HAVCR1: variants seen among roughly 807,000 people sequenced by gnomAD.
HAVCR1 encodes the protein hepatitis A virus cellular receptor 1, also known as T cell immunoglobin domain and mucin domain protein 1.
In HAVCR1, 34 loss-of-function variants were observed where a neutral mutation model predicts 32.0. The ratio of observed to expected loss-of-function variants is 1.06; its 90% CI spans 0.81 to 1.42. The LOEUF is 1.42. HAVCR1 is among the 40% of genes most tolerant of loss of function. The pLI, the probability that HAVCR1 is intolerant of heterozygous loss-of-function variation, is 0.00. For synonymous variants in HAVCR1, 178 were observed against 170.3 expected (o/e 1.05, Z -0.35); for missense variants, 420 against 442.3 (o/e 0.95, Z 0.45).
intron 3 of HAVCR1, 54 bp from the exon 4 acceptor site, chr5:157,052,708 C>T (rs1173828806): frequency 7.4e-6 from 11 of 1,487,284 alleles, no homozygotes; most frequent in Non-Finnish European, 1.0e-5. Flanking sequence ...GAAACAAGAG[C>T]CTCAGGCTGG....
At chr5:157,051,627 C>G (rs1755744606) in intron 4 of HAVCR1, among the ~76,000 whole-genome samples, 1 of 151,694 alleles carries the variant, frequency 6.6e-6, no homozygotes, top group Non-Finnish European at 1.5e-5. Context: ...ACCTCCCGGC[C>G]CCAAGCGATT....
chr5:157,068,763 CCACCACACTCAG>C, the HAVCR1 span, among the ~76,000 whole-genome samples: 1 of 151,754 alleles, frequency 6.6e-6, no homozygotes, highest in African/African-American at 2.4e-5. Flanking sequence ...CAAGCATGTG[CCACCACACTCAG>C]CAAATTTTTC....
chr5:157,042,576 A>G lies in HAVCR1; in HGVS notation c.837+51T>C, dbSNP rs1754973435. The G allele has an allele frequency of 2.7e-6, 3 of 1,094,296 alleles. No individual in the cohort carries two copies. In the South Asian group the frequency reaches 4.1e-5, roughly 15 times the overall value. 67.8% of individuals were successfully genotyped at this position (1,094,296 alleles called of 1,614,324 possible). A position where few individuals can be genotyped will look rare whatever the true frequency, so the allele number is the denominator to read the frequency against. Reference sequence around the variant, plus strand: ...AGTCTTTAAATGTAACTTGCTTCCAAGGAGATATACAAGTGAATCTGGCTA... The same window carrying G: ...AGTCTTTAAATGTAACTTGCTTCCAGGGAGATATACAAGTGAATCTGGCTA... On this transcript the variant is annotated intron_variant, in intron 6 of 8. Coordinates refer to ENST00000523175, the MANE Select transcript of HAVCR1 (RefSeq NM_001173393.3).
At chr5:157,063,588 GTAAC>G (rs1756539664), upstream of HAVCR1, among the ~76,000 whole-genome samples, 1 of 152,136 alleles carries the variant, frequency 6.6e-6, no homozygotes, top group Admixed American at 6.6e-5. Flanking sequence ...CTGGCCTCAT[GTAAC>G]TAACTTTTAA....
intron 2 of HAVCR1, 47 bp downstream of exon 2, chr5:157,057,851 A>AC (rs1561606610): frequency 2.1e-6 from 3 of 1,434,266 alleles, no homozygotes; most frequent in South Asian, 1.1e-5. Flanking sequence ...CTGGCTTCTA[A>AC]CCCCCCTCTA....
At chr5:157,051,016 G>A (rs1361680463) in intron 4 of HAVCR1, among the ~76,000 whole-genome samples, 1 of 152,058 alleles carries the variant, frequency 6.6e-6, no homozygotes, top group Non-Finnish European at 1.5e-5. Flanking sequence ...GATTTCTGAG[G>A]GCTTTGAGAA....
chr5:157,041,507 A>AAAAG (rs1335598182), intron 6 of HAVCR1, among the ~76,000 whole-genome samples: 1 of 152,138 alleles, frequency 6.6e-6, no homozygotes, highest in African/African-American at 2.4e-5. Flanking sequence ...AAAAATAAAA[A>AAAAG]AAAGAAAGAA....
rs2113477710 is a variant in HAVCR1, at chr5:157,032,858, G to A, written c.982C>T (p.Leu328=). Reference sequence around the variant, plus strand: ...TAGAAATATTTTCGAGCTTACCTTAGTTGTTGAACCTCCTTTTTGAAGAAA... The same window carrying A: ...TAGAAATATTTTCGAGCTTACCTTAATTGTTGAACCTCCTTTTTGAAGAAA... ...KYFFKKEVQQ[L]SVSFSSLQIK... is the part of the protein sequence containing the mutation. Residue 328 remains leucine, a synonymous_variant, in exon 8 of 9, where the codon CTA becomes TTA. Transcript: ENST00000523175. 6.4e-7 allele frequency: 1 copy of A among 1,569,948 alleles called. No individual in the cohort carries two copies. The highest frequency in any genetic ancestry group is 8.7e-7 in the Non-Finnish European group (1 of 1,144,178).
the HAVCR1 span, among the ~76,000 whole-genome samples, chr5:157,066,093 G>A: frequency 7.3e-6 from 1 of 137,406 alleles, no homozygotes; most frequent in Non-Finnish European, 1.6e-5. Flanking sequence ...GGTGGAAGAG[G>A]CACCAATACA....
chr5:157,042,257 A>T (rs1249375989), intron 6 of HAVCR1, among the ~76,000 whole-genome samples: 3 of 151,306 alleles, frequency 2.0e-5, no homozygotes, highest in African/African-American at 7.3e-5. Context: ...CCTGGCTAAC[A>T]CGGTGAAACC....
rs758926533 is a variant in HAVCR1, at chr5:157,037,368, AAAC to A, written c.838-10_838-8del. 74 of 1,178,148 alleles carry A rather than the reference AAAC, an allele frequency of 6.3e-5. No individual in the cohort carries two copies. In the Admixed American group the frequency reaches 1.2e-3, roughly 20 times the overall value. 73.0% of individuals were successfully genotyped at this position (1,178,148 alleles called of 1,614,324 possible). On this transcript the variant is annotated splice_polypyrimidine_tract_variant and splice_region_variant and intron_variant, in intron 6 of 8. Transcript: ENST00000523175. Reference sequence around the variant, plus strand: ...TATGTTCTAGGAACAGTTGCTGAGGAAACAACAACAGATCAAAAAAGCATCTTG... The same window carrying A: ...TATGTTCTAGGAACAGTTGCTGAGGAAACAACAGATCAAAAAAGCATCTTG...
intron 7 of HAVCR1, among the ~76,000 whole-genome samples, chr5:157,033,528 C>T (rs1001405959): frequency 4.2e-5 from 6 of 142,800 alleles, no homozygotes; most frequent in Non-Finnish European, 8.9e-5. Context: ...CTGTTGTTGT[C>T]AATCCTTTCC....
intron 4 of HAVCR1, among the ~76,000 whole-genome samples, chr5:157,050,854 A>C (rs1201306037): frequency 1.3e-5 from 2 of 152,194 alleles, no homozygotes; most frequent in Non-Finnish European, 2.9e-5. Flanking sequence ...TTTCAAACTG[A>C]GCTACTAGCC....
rs542420711 is a variant in HAVCR1, at chr5:157,054,733, T to C, written c.379+468A>G. Among the ~76,000 whole-genome samples, 10 of 152,336 alleles carry C rather than the reference T, an allele frequency of 6.6e-5. No homozygotes were observed. The East Asian group carries it at 1.7e-3, about 26-fold the overall frequency. On this transcript the variant is annotated intron_variant, in intron 3 of 8. Transcript: ENST00000523175. ...GGAAAAAGAAGGATATGTTGTCTGCTGTACTGAACAAATACAGACTTTTTT... is the reference window on the plus strand; with the variant it reads ...GGAAAAAGAAGGATATGTTGTCTGCCGTACTGAACAAATACAGACTTTTTT...
chr5:157,055,891 AT>A (rs746031607), intron 2 of HAVCR1, among the ~76,000 whole-genome samples: 2 of 149,650 alleles, frequency 1.3e-5, no homozygotes, highest in Admixed American at 6.7e-5. Flanking sequence ...AATTCTCTTA[AT>A]TTTTTTTACT....
At chr5:157,063,555 G>C (rs1756538006), upstream of HAVCR1, among the ~76,000 whole-genome samples, 1 of 151,418 alleles carries the variant, frequency 6.6e-6, no homozygotes, top group Non-Finnish European at 1.5e-5. Flanking sequence ...AAAGTGCTGG[G>C]ATTATAGGCG....
chr5:157,050,477 A>G (rs999104628), intron 4 of HAVCR1, among the ~76,000 whole-genome samples: 7 of 152,338 alleles, frequency 4.6e-5, no homozygotes, highest in African/African-American at 1.7e-4. Flanking sequence ...TATTTGCTCC[A>G]GGGTTCTCTC....
At chr5:157,032,173 ACACT>A (rs1754216865) in intron 8 of HAVCR1, among the ~76,000 whole-genome samples, 1 of 152,174 alleles carries the variant, frequency 6.6e-6, no homozygotes, top group African/African-American at 2.4e-5. Flanking sequence ...ATAGCCAATA[ACACT>A]CAGTAAGACA....
At chr5:157,067,371 G>A in the HAVCR1 span, among the ~76,000 whole-genome samples, 1 of 152,266 alleles carries the variant, frequency 6.6e-6, no homozygotes, top group Non-Finnish European at 1.5e-5. Flanking sequence ...GCTTCACAAA[G>A]TTCCAAACAA....
Sources: allele counts gnomAD v4.1 joint callset (sites outside exome capture counted in the v4.1 genomes callset), GRCh38; gene constraint gnomAD v4.1.1; transcripts MANE v1.5; gene names NCBI Gene and HGNC (gene_info 2026-07-23, HGNC 2026-07-21).